The following WDR7 variants were observed in gnomAD, a reference collection of about 807,000 sequenced individuals.
WDR7 encodes the protein WD repeat-containing protein 7.
In WDR7, 46 loss-of-function variants were observed where a neutral mutation model predicts 169.4. The ratio of observed to expected loss-of-function variants is 0.27; its 90% confidence interval spans 0.21 to 0.35. The LOEUF (loss-of-function observed/expected upper bound fraction) is 0.35, where lower values mean the gene tolerates loss of function less well. Among genes scored for constraint, WDR7 ranks in the 10% least tolerant of loss-of-function variants. WDR7 has a pLI of 1.00. For synonymous variants in WDR7, 612 were observed against 666.8 expected (o/e 0.92, Z 1.27); for missense variants, 1,534 against 1,859.3 (o/e 0.83, Z 3.22).
At chr18:56,812,863 C>T (rs1288537532) in intron 19 of WDR7, among the ~76,000 whole-genome samples, 1 of 152,114 alleles carries the variant, frequency 6.6e-6, no homozygotes, top group Non-Finnish European at 1.5e-5. Context: ...CTGACTCACA[C>T]ACCAGTCTCC....
At chr18:56,856,296 G>T (rs1439959566) in intron 20 of WDR7, among the ~76,000 whole-genome samples, 1 of 152,210 alleles carries the variant, frequency 6.6e-6, no homozygotes, top group Non-Finnish European at 1.5e-5. Context: ...CACTTTGGGA[G>T]GCCAAGGCAG....
intron 26 of WDR7, among the ~76,000 whole-genome samples, chr18:56,984,799 G>C (rs1453223005): frequency 6.6e-6 from 1 of 152,112 alleles, no homozygotes; most frequent in Non-Finnish European, 1.5e-5. Context: ...TGCACAACCA[G>C]TTTCCTTTAT....
In WDR7 at chr18:56,757,128, A is replaced by G. The variant is rs758899735; in HGVS notation, c.2535A>G (p.Ser845=). 66 of 1,613,900 alleles carry G rather than the reference A, an allele frequency of 4.1e-5. No individual in the cohort carries two copies. Among genetic ancestry groups the G allele is most frequent in the Non-Finnish European group, 5.3e-5 (63 of 1,180,008 alleles). Reference sequence around the variant, plus strand: ...TCTTGTCAAGAGGAGGCCATATGTCACTGATGCTGCCGGGTTATAATCAGC... The same window carrying G: ...TCTTGTCAAGAGGAGGCCATATGTCGCTGATGCTGCCGGGTTATAATCAGC... The part of the protein sequence containing the change: ...FGLLSRGGHM[S]LMLPGYNQPA... The change falls in exon 15 of 28, where the codon TCA becomes TCG. Residue 845 remains serine, a synonymous_variant. Transcript: ENST00000254442.
intron 25 of WDR7, among the ~76,000 whole-genome samples, chr18:56,950,435 G>A (rs1187063314): frequency 6.6e-6 from 1 of 152,080 alleles, no homozygotes; most frequent in Non-Finnish European, 1.5e-5. Context: ...AAGTCAACAC[G>A]ATGAAAAGGT....
intron 1 of WDR7, among the ~76,000 whole-genome samples, chr18:56,669,482 A>G (rs1435576675): frequency 6.6e-6 from 1 of 152,138 alleles, no homozygotes; most frequent in Non-Finnish European, 1.5e-5. Context: ...CAGTCTCTAA[A>G]TGTAACTTTA....
chr18:56,901,093 T>C (rs995657564), intron 21 of WDR7, among the ~76,000 whole-genome samples: 2 of 152,166 alleles, frequency 1.3e-5, no homozygotes, highest in East Asian at 3.9e-4. Context: ...TATTATCTGC[T>C]TGGTTCTTTA....
At chr18:56,828,043 G>C (rs2045240744) in intron 20 of WDR7, among the ~76,000 whole-genome samples, 1 of 152,144 alleles carries the variant, frequency 6.6e-6, no homozygotes, top group South Asian at 2.1e-4. Context: ...ATAAATGGTT[G>C]ATAACTAACA....
intron 14 of WDR7, among the ~76,000 whole-genome samples, chr18:56,751,862 T>C (rs1026638292): frequency 2.6e-5 from 4 of 152,198 alleles, no homozygotes; most frequent in African/African-American, 9.6e-5. Context: ...AAAAGGGTAA[T>C]GTACACATTT....
intron 14 of WDR7, among the ~76,000 whole-genome samples, chr18:56,731,865 T>A (rs2026595063): frequency 6.6e-6 from 1 of 152,226 alleles, no homozygotes; most frequent in South Asian, 2.1e-4. Context: ...GCAAACCAAC[T>A]GTATATAATC....
chr18:56,776,953 A>G, intron 17 of WDR7, 73 bp downstream of exon 17: 1 of 1,339,730 alleles, frequency 7.5e-7, no homozygotes, highest in Non-Finnish European at 1.1e-6. Flanking sequence ...TTTTTATCTG[A>G]GTTACACATT....
chr18:56,691,964 A>G lies in WDR7; in HGVS notation c.966+147A>G. ...AAAACATTTTGAGATGGTCAGTTAT[A>G]AGGACATTTCAAAATCTGCTTGTTT... On this transcript the variant is annotated intron_variant, in intron 9 of 27. Coordinates refer to ENST00000254442, the MANE Select transcript of WDR7 (RefSeq NM_015285.3). The G allele has an allele frequency of 7.3e-6, 4 of 546,330 alleles. 1 individual carries two copies. In the South Asian group the frequency reaches 1.4e-4, roughly 19 times the overall value. 33.8% of individuals were successfully genotyped at this position (546,330 alleles called of 1,614,324 possible).
At chr18:56,676,343 G>A (rs1339050086) in intron 2 of WDR7, among the ~76,000 whole-genome samples, 2 of 152,068 alleles carry the variant, frequency 1.3e-5, no homozygotes, top group Non-Finnish European at 2.9e-5. Flanking sequence ...TCTTTTGATC[G>A]GAGAGTTTAG....
intron 16 of WDR7, among the ~76,000 whole-genome samples, chr18:56,768,260 A>T (rs1369412777): frequency 6.6e-6 from 1 of 152,132 alleles, no homozygotes; most frequent in Non-Finnish European, 1.5e-5. Context: ...GGTCTTTTTA[A>T]AAAAAAGCAT....
intron 12 of WDR7, among the ~76,000 whole-genome samples, chr18:56,702,524 C>T (rs1253514166): frequency 6.6e-6 from 1 of 152,120 alleles, no homozygotes; most frequent in Non-Finnish European, 1.5e-5. Flanking sequence ...ATATTGCCAA[C>T]TTATTGAATT....
At chr18:56,915,248 A>G (rs1204239898) in intron 21 of WDR7, among the ~76,000 whole-genome samples, 2 of 152,200 alleles carry the variant, frequency 1.3e-5, no homozygotes, top group Non-Finnish European at 2.9e-5. Flanking sequence ...TAAATCAAGG[A>G]TGTGTATAAA....
intron 26 of WDR7, among the ~76,000 whole-genome samples, chr18:56,981,387 T>TATGCATGGC: frequency 6.6e-6 from 1 of 152,308 alleles, no homozygotes; most frequent in Non-Finnish European, 1.5e-5. Context: ...TATTTAGCTA[T>TATGCATGGC]ATGCATGGCT....
intron 1 of WDR7, among the ~76,000 whole-genome samples, chr18:56,661,994 T>C (rs2024913801): frequency 6.6e-6 from 1 of 152,206 alleles, no homozygotes. Flanking sequence ...TCTCTGAGAA[T>C]TTGAATAAAC....
intron 26 of WDR7, among the ~76,000 whole-genome samples, chr18:57,007,954 C>G (rs866866474): frequency 1.3e-5 from 2 of 152,166 alleles, no homozygotes; most frequent in South Asian, 2.1e-4. Flanking sequence ...CCTTCCACAT[C>G]TCTCTATGTG....
intron 12 of WDR7, among the ~76,000 whole-genome samples, chr18:56,709,493 T>C (rs563530354): frequency 9.0e-4 from 137 of 152,348 alleles, no homozygotes; most frequent in African/African-American, 3.1e-3. Context: ...AGTCACTGCA[T>C]GAATTTATAT....
Sources: gnomAD v4.1 joint callset for allele counts (sites outside exome capture counted in the v4.1 genomes callset) on GRCh38, gnomAD v4.1.1 for gene constraint, MANE v1.5 for transcripts, NCBI Gene and HGNC (gene_info 2026-07-23, HGNC 2026-07-21) for gene names.